RABGAP1L: variants seen among roughly 807,000 people sequenced by gnomAD.
RABGAP1L encodes rab GTPase-activating protein 1-like.
A neutral mutation model predicts 137.7 loss-of-function variants in RABGAP1L; 63 were observed. That is an observed-to-expected ratio of 0.46 (90% CI 0.37 to 0.56). RABGAP1L has a LOEUF of 0.56. Among genes scored for constraint, RABGAP1L ranks in the 20% least tolerant of loss-of-function variants. The pLI, the probability that RABGAP1L is intolerant of heterozygous loss-of-function variation, is 0.00. For synonymous variants in RABGAP1L, 431 were observed against 433.7 expected (o/e 0.99, Z 0.08); for missense variants, 1,095 against 1,244.0 (o/e 0.88, Z 1.80).
chr1:174,641,897 C>G (rs1404316281), intron 14 of RABGAP1L, among the ~76,000 whole-genome samples: 5 of 152,118 alleles, frequency 3.3e-5, no homozygotes, highest in African/African-American at 4.8e-5. Flanking sequence ...AGCTCTGGCT[C>G]TCAATACTAA....
chr1:174,467,737 T>C (rs2149299174), intron 13 of RABGAP1L, among the ~76,000 whole-genome samples: 1 of 152,282 alleles, frequency 6.6e-6, no homozygotes, highest in Admixed American at 6.5e-5. Context: ...ATCTATAGAA[T>C]TTGAATCCAG....
intron 19 of RABGAP1L, chr1:174,922,418 T>C (rs1237067623): frequency 1.2e-5 from 2 of 173,030 alleles, no homozygotes; most frequent in East Asian, 2.6e-4. Context: ...GGCATGACCA[T>C]TGTTCCTTCT....
At chr1:174,869,729 G>T (rs1436622051) in intron 19 of RABGAP1L, among the ~76,000 whole-genome samples, 1 of 151,992 alleles carries the variant, frequency 6.6e-6, no homozygotes, top group Non-Finnish European at 1.5e-5. Flanking sequence ...ATTAAGAGAC[G>T]GGATCTTTGA....
intron 13 of RABGAP1L, among the ~76,000 whole-genome samples, chr1:174,547,029 C>CAA (rs375413887): frequency 0.037 from 2,913 of 77,950 alleles, 480 homozygotes; most frequent in African/African-American, 0.13. Flanking sequence ...GACTCTGTCT[C>CAA]AAAAAAAAAA....
At chr1:174,197,799 T>C (rs1190709155) in intron 1 of RABGAP1L, among the ~76,000 whole-genome samples, 6 of 145,532 alleles carry the variant, frequency 4.1e-5, no homozygotes, top group African/African-American at 1.5e-4. Context: ...AAACTCCGTC[T>C]AAAAAAAAAA....
chr1:174,248,394 T>C (rs1211106777), intron 5 of RABGAP1L, among the ~76,000 whole-genome samples: 1 of 152,250 alleles, frequency 6.6e-6, no homozygotes, highest in Non-Finnish European at 1.5e-5. Flanking sequence ...ACAGTTCTTA[T>C]TAGCATCAAT....
At chr1:174,438,744 G>GCATATATATA (rs1553302950) in intron 13 of RABGAP1L, among the ~76,000 whole-genome samples, 1 of 95,456 alleles carries the variant, frequency 1.0e-5, no homozygotes, top group African/African-American at 4.8e-5. Context: ...GTGTGTGTGT[G>GCATATATATA]TATATATATA....
At chr1:174,204,673 T>A (rs188447615) in intron 1 of RABGAP1L, among the ~76,000 whole-genome samples, 1 of 152,148 alleles carries the variant, frequency 6.6e-6, no homozygotes, top group Non-Finnish European at 1.5e-5. Context: ...CCACATCTCA[T>A]ATTGAATTGT....
intron 20 of RABGAP1L, among the ~76,000 whole-genome samples, chr1:174,963,849 A>G (rs1205441586): frequency 6.6e-6 from 1 of 152,140 alleles, no homozygotes; most frequent in African/African-American, 2.4e-5. Flanking sequence ...ACTTTCTGGC[A>G]ATTTACACTA....
intron 10 of RABGAP1L, among the ~76,000 whole-genome samples, chr1:174,297,677 T>G (rs1006924644): frequency 6.6e-6 from 1 of 152,116 alleles, no homozygotes; most frequent in Non-Finnish European, 1.5e-5. Context: ...CAGAGACCTA[T>G]CTAAGGGTTT....
intron 14 of RABGAP1L, among the ~76,000 whole-genome samples, chr1:174,663,600 T>C (rs987443371): frequency 1.3e-5 from 2 of 152,206 alleles, no homozygotes; most frequent in African/African-American, 4.8e-5. Flanking sequence ...GTATATATAC[T>C]CACATACACA....
At position 174,439,731 on chromosome 1, in the gene RABGAP1L, C is replaced by G. The variant is rs568333553; in HGVS notation, c.1710+45586C>G. 5.9e-5 allele frequency among the ~76,000 whole-genome samples: 9 copies of G among 152,280 alleles called. No homozygotes were observed. In the East Asian group the frequency reaches 9.6e-4, roughly 16 times the overall value. On this transcript the variant is annotated intron_variant, in intron 13 of 25. Transcript: ENST00000681986. ...ACATAGACTGGGTGTTAGTGTTTTT[C>G]AGTCCTTTGATAGACTCTTTTAGCT...
chr1:174,409,119 G>C (rs2149124649), intron 13 of RABGAP1L, among the ~76,000 whole-genome samples: 1 of 152,206 alleles, frequency 6.6e-6, no homozygotes, highest in East Asian at 1.9e-4. Flanking sequence ...TGAGGGTTTA[G>C]TCATAAATTA....
chr1:174,874,620 G>T, intron 19 of RABGAP1L: 1 of 564,312 alleles, frequency 1.8e-6, no homozygotes, highest in Non-Finnish European at 2.2e-6. Flanking sequence ...CAGTTGCGTG[G>T]TGTGAAGGCG....
intron 19 of RABGAP1L, among the ~76,000 whole-genome samples, chr1:174,876,601 G>A (rs1265186670): frequency 6.6e-6 from 1 of 152,056 alleles, no homozygotes; most frequent in Non-Finnish European, 1.5e-5. Flanking sequence ...AAGCACTACT[G>A]GTGGTTAAGC....
At chr1:174,805,109 A>G (rs1298209420) in intron 18 of RABGAP1L, among the ~76,000 whole-genome samples, 16 of 152,208 alleles carry the variant, frequency 1.1e-4, no homozygotes. Flanking sequence ...TATACATCTT[A>G]ACTTTTGAAT....
At chr1:174,938,351 G>A (rs1008032316) in intron 19 of RABGAP1L, 3 of 152,300 alleles carry the variant, frequency 2.0e-5, no homozygotes, top group Non-Finnish European at 2.9e-5. Context: ...TAATTAAATA[G>A]TGTTTAAATG....
intron 13 of RABGAP1L, among the ~76,000 whole-genome samples, chr1:174,568,002 C>T (rs912175227): frequency 6.6e-6 from 1 of 152,088 alleles, no homozygotes; most frequent in Non-Finnish European, 1.5e-5. Context: ...AAAGGAATAC[C>T]TGAAACTGGG....
At chr1:174,757,350 A>G (rs1684848184) in intron 18 of RABGAP1L, among the ~76,000 whole-genome samples, 1 of 152,130 alleles carries the variant, frequency 6.6e-6, no homozygotes, top group Admixed American at 6.5e-5. Context: ...TCTCTGGGGT[A>G]AATTTCTAGA....
Sources: gnomAD v4.1 joint callset for allele counts (sites outside exome capture counted in the v4.1 genomes callset) on GRCh38, gnomAD v4.1.1 for gene constraint, MANE v1.5 for transcripts, NCBI Gene and HGNC (gene_info 2026-07-23, HGNC 2026-07-21) for gene names.